Variants in FAM184B observed in about 807,000 individuals in gnomAD.
The protein encoded by FAM184B is protein FAM184B.
FAM184B carries 111 observed loss-of-function variants against 135.9 expected under a neutral mutation model. The observed-to-expected ratio is 0.82, with a 90% confidence interval of 0.70 to 0.96. FAM184B has a LOEUF of 0.96. Among genes scored for constraint, FAM184B ranks in the 40% least tolerant of loss-of-function variants. The pLI is 0.00. For synonymous variants in FAM184B, 552 were observed against 524.8 expected (o/e 1.05, Z -0.71); for missense variants, 1,375 against 1,323.9 (o/e 1.04, Z -0.60).
Position 17,662,902 on chromosome 4 carries a change from C to G in FAM184B, c.1694+1660G>C, listed in dbSNP as rs534182875. On this transcript the variant is annotated intron_variant, in intron 8 of 17. Coordinates refer to ENST00000265018, the MANE Select transcript of FAM184B (RefSeq NM_015688.2). Reference sequence around the variant, plus strand: ...TTTCCTGATGACTAATGATGTTAACCACATGTCCATGTGCATATGAGCCAC... The same window carrying G: ...TTTCCTGATGACTAATGATGTTAACGACATGTCCATGTGCATATGAGCCAC... 3.9e-5 allele frequency among the ~76,000 whole-genome samples: 6 copies of G among 152,154 alleles called. No homozygotes were observed. In the South Asian group the frequency reaches 1.0e-3, roughly 26 times the overall value.
intron 5 of FAM184B, among the ~76,000 whole-genome samples, chr4:17,703,798 G>T (rs980761159): frequency 1.3e-5 from 2 of 151,894 alleles, no homozygotes; most frequent in Admixed American, 6.6e-5. Flanking sequence ...GGGTGTGGTG[G>T]CACATGCCTG....
At chr4:17,694,517 C>G (rs1716810916) in intron 5 of FAM184B, among the ~76,000 whole-genome samples, 1 of 102,820 alleles carries the variant, frequency 9.7e-6, no homozygotes, top group Non-Finnish European at 2.0e-5. Context: ...AGCAAGACTC[C>G]ATCTCAAAAA....
At position 17,709,636 on chromosome 4, in the gene FAM184B, A is replaced by G. The variant is rs1199160849; in HGVS notation, c.150T>C (p.Tyr50=). 6.7e-6 allele frequency: 10 copies of G among 1,497,812 alleles called. No homozygotes were observed. Among genetic ancestry groups the G allele is most frequent in the Non-Finnish European group, 8.0e-6 (9 of 1,124,494 alleles). The allele number at this position is 1,497,812 out of a possible 1,614,324, so 92.8% of individuals were successfully genotyped here. Residue 50 remains tyrosine, a synonymous_variant, in exon 2 of 18, where the codon TAT becomes TAC. Coordinates refer to ENST00000265018, the MANE Select transcript of FAM184B (RefSeq NM_015688.2). The part of the protein sequence containing the change: ...KKIAQLTKVI[Y]ALNTRQDEAE... ...CCTCATCCTGGCGGGTGTTCAGGGC[A>G]TAAATCACCTGCAGGAAAATCAACA...
chr4:17,665,074 G>A (rs1716016245), intron 7 of FAM184B, among the ~76,000 whole-genome samples: 1 of 152,176 alleles, frequency 6.6e-6, no homozygotes, highest in Non-Finnish European at 1.5e-5. Context: ...TCAGAGAGAG[G>A]TCCTTGTTTC....
intron 1 of FAM184B, among the ~76,000 whole-genome samples, chr4:17,752,654 A>C (rs985935154): frequency 3.3e-5 from 5 of 152,184 alleles, no homozygotes; most frequent in African/African-American, 1.2e-4. Flanking sequence ...ACATCACAAG[A>C]GTCTACTGCA....
At chr4:17,775,855 C>T (rs1045544943) in intron 1 of FAM184B, among the ~76,000 whole-genome samples, 3 of 152,176 alleles carry the variant, frequency 2.0e-5, no homozygotes, top group African/African-American at 7.2e-5. Flanking sequence ...GGGTGGGAGG[C>T]TGCAGGGCGG....
At chr4:17,654,332 C>T (rs1304705111) in intron 10 of FAM184B, among the ~76,000 whole-genome samples, 1 of 151,730 alleles carries the variant, frequency 6.6e-6, no homozygotes, top group African/African-American at 2.4e-5. Context: ...AATTATTATC[C>T]CCTCATCTTT....
Position 17,689,582 on chromosome 4 carries a change from A to T in FAM184B, c.1489-1051T>A, listed in dbSNP as rs146888112. Reference sequence around the variant, plus strand: ...GTAGAGATATGTACAAAATAATAAGAGCACCTCCTTAATGGTCCATTTGCT... The same window carrying T: ...GTAGAGATATGTACAAAATAATAAGTGCACCTCCTTAATGGTCCATTTGCT... On this transcript the variant is annotated intron_variant, in intron 6 of 17. Transcript: ENST00000265018. Among the ~76,000 whole-genome samples, 903 of 152,196 alleles carry T rather than the reference A, an allele frequency of 5.9e-3. 6 individuals are homozygous for T. Among genetic ancestry groups the T allele is most frequent in the African/African-American group, 0.021 (872 of 41,542 alleles).
intron 16 of FAM184B, 132 bp from the exon 17 acceptor site, chr4:17,634,020 A>C: frequency 1.6e-6 from 1 of 622,396 alleles, no homozygotes; most frequent in Non-Finnish European, 2.4e-6. Flanking sequence ...TTATACACTT[A>C]CATGCTATTT....
chr4:17,779,239 G>A (rs1028351455), intron 1 of FAM184B, among the ~76,000 whole-genome samples: 4 of 152,150 alleles, frequency 2.6e-5, no homozygotes, highest in African/African-American at 9.7e-5. Flanking sequence ...AAATTCATCT[G>A]TCAGAGACAC....
At chr4:17,719,350 C>T (rs1244202475) in intron 1 of FAM184B, among the ~76,000 whole-genome samples, 3 of 152,190 alleles carry the variant, frequency 2.0e-5, no homozygotes, top group Non-Finnish European at 4.4e-5. Context: ...AGGAGGACGG[C>T]ACAAGATTTC....
In FAM184B at chr4:17,705,057, G is replaced by T. The variant is rs372229395; in HGVS notation, c.1320C>A (p.Thr440=). 1 of 1,551,708 alleles carries T rather than the reference G, an allele frequency of 6.4e-7. No homozygotes were observed. Among genetic ancestry groups the T allele is most frequent in the Non-Finnish European group, 8.7e-7 (1 of 1,146,996 alleles). The part of the protein sequence containing the change: ...KRLEDLVKKH[T]VEIKSVRSSV... Reference sequence around the variant, plus strand: ...ACGAGCGAACGGATTTGATTTCCACGGTGTGCTTCTTTACCAAGTCTTCTA... The same window carrying T: ...ACGAGCGAACGGATTTGATTTCCACTGTGTGCTTCTTTACCAAGTCTTCTA... The change falls in exon 5 of 18, where the codon ACC becomes ACA. Residue 440 remains threonine (T), a synonymous_variant. Transcript: ENST00000265018.
At chr4:17,697,145 A>G (rs1716883655) in intron 5 of FAM184B, among the ~76,000 whole-genome samples, 2 of 152,278 alleles carry the variant, frequency 1.3e-5, no homozygotes, top group Admixed American at 1.3e-4. Flanking sequence ...TCAGCATGGT[A>G]CCACTGAGGA....
At chr4:17,726,896 C>A (rs953929132) in intron 1 of FAM184B, among the ~76,000 whole-genome samples, 2 of 152,180 alleles carry the variant, frequency 1.3e-5, no homozygotes, top group East Asian at 3.9e-4. Flanking sequence ...GGACCTAATG[C>A]TGATGGATCA....
intron 10 of FAM184B, among the ~76,000 whole-genome samples, chr4:17,655,188 A>G (rs1222275245): frequency 6.6e-6 from 1 of 152,218 alleles, no homozygotes; most frequent in African/African-American, 2.4e-5. Context: ...TACTTTTCAA[A>G]TTCTCTGATA....
chr4:17,742,526 T>C (rs900977973), intron 1 of FAM184B, among the ~76,000 whole-genome samples: 2 of 152,104 alleles, frequency 1.3e-5, no homozygotes, highest in Admixed American at 6.6e-5. Context: ...AAATGTTGCC[T>C]TTTTGGCCTG....
chr4:17,752,394 A>C (rs1272599915), intron 1 of FAM184B, among the ~76,000 whole-genome samples: 1 of 152,096 alleles, frequency 6.6e-6, no homozygotes, highest in African/African-American at 2.4e-5. Context: ...CAGGCAATGA[A>C]AAGAATGAAT....
intron 1 of FAM184B, among the ~76,000 whole-genome samples, chr4:17,755,847 G>C (rs1311976090): frequency 2.0e-5 from 3 of 152,126 alleles, no homozygotes; most frequent in Non-Finnish European, 2.9e-5. Flanking sequence ...TTATAAATGG[G>C]AACCGAATGA....
rs1002848167 is a variant in FAM184B at position 17,709,751 on chromosome 4, G to A, written c.142-107C>T. 8.7e-6 allele frequency: 9 copies of A among 1,036,628 alleles called. No homozygotes were observed. In the African/African-American group the frequency reaches 1.3e-4, roughly 15 times the overall value. 64.2% of individuals were successfully genotyped at this position (1,036,628 alleles called of 1,614,324 possible). A position where few individuals can be genotyped will look rare whatever the true frequency, so the allele number is the denominator to read the frequency against. ...GCATGGCGGTTGATCTGCACAAGTG[G>A]CACCTGAGAAGAGGATTTGCGTGCA... On this transcript the variant is annotated intron_variant, in intron 1 of 17. Coordinates refer to ENST00000265018, the MANE Select transcript of FAM184B (RefSeq NM_015688.2).
Sources: allele counts gnomAD v4.1 joint callset (sites outside exome capture counted in the v4.1 genomes callset), GRCh38; gene constraint gnomAD v4.1.1; transcripts MANE v1.5; gene names NCBI Gene and HGNC (gene_info 2026-07-23, HGNC 2026-07-21).